PCF11: variants seen among roughly 807,000 people sequenced by gnomAD.
PCF11 encodes PCF11 cleavage and polyadenylation factor subunit, also known as pre-mRNA cleavage complex 2 protein Pcf11.
PCF11 carries 19 observed loss-of-function variants against 166.1 expected under a neutral mutation model. That is an observed-to-expected ratio of 0.11 (90% confidence interval 0.08 to 0.17). The LOEUF is 0.17. Among genes scored for constraint, PCF11 ranks in the 10% least tolerant of loss-of-function variants. The pLI is 1.00. For synonymous variants in PCF11, 663 were observed against 644.1 expected, an observed-to-expected ratio of 1.03 and a Z score of -0.44; for missense variants, 1,565 against 1,855.5, an observed-to-expected ratio of 0.84 and a Z score of 2.88.
intron 15 of PCF11, 90 bp from the exon 16 acceptor site, chr11:83,184,589 T>C (rs1196264063): frequency 4.7e-6 from 4 of 844,806 alleles, no homozygotes; most frequent in Admixed American, 5.4e-5. Flanking sequence ...TGTGTTCTCT[T>C]GTTCATACAA....
At chr11:83,180,349 G>A (rs1411603128) in intron 11 of PCF11, 2 of 150,862 alleles carry the variant, frequency 1.3e-5, no homozygotes, top group Admixed American at 1.3e-4. Context: ...GCCTCCCAAA[G>A]TGCTGGGATT....
intron 1 of PCF11, chr11:83,158,850 A>G (rs1860112749): frequency 2.0e-5 from 3 of 152,246 alleles, no homozygotes; most frequent in Admixed American, 2.0e-4. Context: ...CTGGTATTAT[A>G]AAATTTGTGA....
At chr11:83,180,453 C>A (rs1336784969) in intron 11 of PCF11, 1 of 151,756 alleles carries the variant, frequency 6.6e-6, no homozygotes. Context: ...TCTATATATA[C>A]CTGTTTCTTC....
chr11:83,184,832 G>A lies in PCF11; in HGVS notation c.4606G>A (p.Glu1536Lys), dbSNP rs1009955147. ...AATTGATACACCACCAGCTTGTACA[G>A]AGGAAAGCATAGCAACACCCTCTGA... The change falls in exon 16 of 16, where the codon GAG becomes AAG. Residue 1536 changes from glutamate (E) to lysine (K), a missense_variant. Physicochemically the swap from Glu to Lys is moderately conservative, Grantham distance 56 (BLOSUM62 1). Coordinates refer to ENST00000298281, the Ensembl canonical transcript of PCF11. 4.4e-6 allele frequency: 7 copies of A among 1,595,322 alleles called. No individual in the cohort carries two copies. In the African/African-American group the frequency reaches 8.2e-5, roughly 19 times the overall value.
intron 9 of PCF11, among the ~76,000 whole-genome samples, chr11:83,175,411 G>A (rs1225293947): frequency 6.6e-6 from 1 of 152,060 alleles, no homozygotes; most frequent in Non-Finnish European, 1.5e-5. Context: ...GGGATTACAG[G>A]TGTGAGCCGC....
At chr11:83,178,825 A>AG (rs1238298989) in intron 11 of PCF11, among the ~76,000 whole-genome samples, 1 of 152,082 alleles carries the variant, frequency 6.6e-6, no homozygotes, top group Non-Finnish European at 1.5e-5. Context: ...AAAAAAAAAA[A>AG]AATCTATTTT....
intron 9 of PCF11, among the ~76,000 whole-genome samples, chr11:83,175,847 C>T (rs1279233347): frequency 1.3e-5 from 2 of 152,160 alleles, no homozygotes; most frequent in African/African-American, 4.8e-5. Context: ...ATGAGGATTC[C>T]TTATCAAGCA....
rs1861230743 is a variant in PCF11, at chr11:83,184,983, A to T, written c.*89A>T. 14 of 776,090 alleles carry T rather than the reference A, an allele frequency of 1.8e-5. 1 individual carries two copies. The South Asian group carries it at 2.6e-4, about 15-fold the overall frequency. The allele number at this position is 776,090 out of a possible 1,614,324, so 48.1% of individuals were successfully genotyped here. A position where few individuals can be genotyped will look rare whatever the true frequency, so the allele number is the denominator to read the frequency against. ...AATTTTTTTATGTATATATAGACAT[A>T]TCTATATAAATTGTCTGGCTGAGGC... On this transcript the variant is annotated 3_prime_UTR_variant, in exon 16 of 16. Coordinates refer to ENST00000298281, the Ensembl canonical transcript of PCF11.
In PCF11 at chr11:83,161,306, T is replaced by A. The variant is rs555147577; in HGVS notation, c.193-21T>A. The stretch of plus-strand genomic sequence containing the variant: ...TGGTGGTAATTCATTATACTAAACT[T>A]CTCAGTTTCTTTTTATTCAGGCTCC... On this transcript the variant is annotated intron_variant, in intron 1 of 15. Coordinates refer to ENST00000298281, the Ensembl canonical transcript of PCF11. 2.9e-5 allele frequency: 46 copies of A among 1,576,408 alleles called. No individual in the cohort carries two copies. The East Asian group carries it at 8.8e-4, about 30-fold the overall frequency.
intron 2 of PCF11, among the ~76,000 whole-genome samples, 157 bp downstream of exon 2, chr11:83,161,609 AATGTTTT>A (rs1565150667): frequency 1.3e-5 from 2 of 152,132 alleles, no homozygotes; most frequent in African/African-American, 4.8e-5. Context: ...GGCTGAAGTT[AATGTTTT>A]ATGTTAGATT....
intron 15 of PCF11, chr11:83,184,081 G>A (rs1271897263): frequency 6.7e-6 from 1 of 150,314 alleles, no homozygotes; most frequent in African/African-American, 2.5e-5. Context: ...GAATCCAGGA[G>A]GTGGAGGTTG....
chr11:83,161,224 TCAA>T, intron 1 of PCF11, 100 bp from the exon 2 acceptor site: 1 of 823,284 alleles, frequency 1.2e-6, no homozygotes, highest in Non-Finnish European at 1.9e-6. Flanking sequence ...ATATTTAGTA[TCAA>T]CAAAAATAGA....
chr11:83,184,870 A>C, exon 16 of PCF11: 2 of 1,569,438 alleles, frequency 1.3e-6, no homozygotes, highest in Non-Finnish European at 1.7e-6. Flanking sequence ...TTAAAACAGA[A>C]AATGACACAG....
At chr11:83,171,234 T>A in intron 8 of PCF11, 1 of 433,626 alleles carries the variant, frequency 2.3e-6, no homozygotes, top group Non-Finnish European at 4.5e-6. Context: ...TTTACAAGAT[T>A]ACTTTGTAAT....
intron 13 of PCF11, 93 bp downstream of exon 13, chr11:83,182,102 C>T: frequency 2.0e-6 from 2 of 1,005,670 alleles, no homozygotes; most frequent in Non-Finnish European, 2.8e-6. Context: ...ATTTATATCC[C>T]TGTTTTAATG....
chr11:83,167,364 G>A lies in PCF11; in HGVS notation c.2002-51G>A, dbSNP rs898984773. On this transcript the variant is annotated intron_variant, in intron 6 of 15. Transcript: ENST00000298281. This position sits in a 1 kb window ranked among gnomAD's most constrained non-coding sequence, Gnocchi z 4.2. ...TCATTATCTATCGTCTATTTTTTTG[G>A]TATTTTTTTATATTTAAAATATTTT... is the stretch of plus-strand genomic sequence containing the variant. 6.6e-7 allele frequency: 1 copy of A among 1,523,976 alleles called. No individual in the cohort carries two copies. Among genetic ancestry groups the A allele is most frequent in the Non-Finnish European group, 8.8e-7 (1 of 1,137,784 alleles). 94.4% of individuals were successfully genotyped at this position (1,523,976 alleles called of 1,614,324 possible).
chr11:83,157,374 G>A (rs1245625225), exon 1 of PCF11: 2 of 1,429,544 alleles, frequency 1.4e-6, no homozygotes, highest in South Asian at 1.2e-5. Flanking sequence ...AGTCGGAAGG[G>A]AGGCGGGGTA....
chr11:83,171,347 G>A, intron 8 of PCF11: 1 of 450,856 alleles, frequency 2.2e-6, no homozygotes, highest in Non-Finnish European at 4.5e-6. Context: ...GTGGAAAAGT[G>A]GCAAGGGTTA....
chr11:83,184,926 A>G, exon 16 of PCF11: 2 of 1,431,224 alleles, frequency 1.4e-6, no homozygotes, highest in Non-Finnish European at 1.9e-6. Flanking sequence ...TTTCTTTTTT[A>G]AAAAAGCTGC....
Sources: allele counts gnomAD v4.1 joint callset (sites outside exome capture counted in the v4.1 genomes callset), GRCh38; gene constraint gnomAD v4.1.1; non-coding constraint Gnocchi (gnomAD v3.1); transcripts MANE v1.5; gene names NCBI Gene and HGNC (gene_info 2026-07-23, HGNC 2026-07-21).